Variants in ADGRG6 observed in about 807,000 individuals in gnomAD.
ADGRG6 encodes the protein adhesion G protein-coupled receptor G6.
A neutral mutation model predicts 142.4 loss-of-function variants in ADGRG6; 84 were observed. The ratio of observed to expected loss-of-function variants is 0.59; its 90% CI spans 0.49 to 0.71. The LOEUF is 0.71. Ranked by LOEUF, ADGRG6 falls within the 30% of genes least tolerant of loss-of-function variation. ADGRG6 has a pLI of 0.00. For synonymous variants in ADGRG6, 521 were observed against 520.5 expected (o/e 1.00, Z -0.01); for missense variants, 1,367 against 1,466.6 (o/e 0.93, Z 1.11).
Position 142,393,885 on chromosome 6 carries a change from T to G in ADGRG6, c.1362-11T>G. 1 of 1,517,236 alleles carries G rather than the reference T, an allele frequency of 6.6e-7. No homozygotes were observed. The highest frequency in any genetic ancestry group is 9.0e-7 in the Non-Finnish European group (1 of 1,114,136). The allele number at this position is 1,517,236 out of a possible 1,614,324, so 94.0% of individuals were successfully genotyped here. On this transcript the variant is annotated splice_polypyrimidine_tract_variant and intron_variant, in intron 8 of 24. Transcript: ENST00000367609. ...AGGTGGATTAATGAATATATGTATT[T>G]GTGTTTTTAGTTTTCACCTGAGTGC...
intron 5 of ADGRG6, 116 bp from the exon 6 acceptor site, chr6:142,383,644 C>A: frequency 1.6e-6 from 1 of 625,966 alleles, no homozygotes; most frequent in East Asian, 2.7e-5. Context: ...TTTTGTATTT[C>A]AAAGTGGTTT....
chr6:142,372,350 A>T (rs968644408), intron 4 of ADGRG6, among the ~76,000 whole-genome samples: 5 of 152,220 alleles, frequency 3.3e-5, no homozygotes, highest in African/African-American at 1.2e-4. Flanking sequence ...ATTCAAAAGT[A>T]ATTTGTATAT....
At chr6:142,315,067 G>C (rs1038036217) in intron 2 of ADGRG6, among the ~76,000 whole-genome samples, 1 of 151,722 alleles carries the variant, frequency 6.6e-6, no homozygotes. Flanking sequence ...AGTTTCTTCT[G>C]TGTACTTCCA....
intron 9 of ADGRG6, among the ~76,000 whole-genome samples, chr6:142,395,416 T>A (rs991826784): frequency 6.6e-6 from 1 of 151,304 alleles, no homozygotes; most frequent in African/African-American, 2.5e-5. Flanking sequence ...CTGGGTTTGG[T>A]AGATATAGCC....
intron 2 of ADGRG6, among the ~76,000 whole-genome samples, chr6:142,335,081 G>A (rs1351739550): frequency 1.3e-5 from 2 of 152,184 alleles, no homozygotes. Context: ...GCAGTAGTAA[G>A]AAAGCAAAAG....
Position 142,370,266 on chromosome 6 carries a change from G to A in ADGRG6, c.542G>A (p.Ser181Asn), listed in dbSNP as rs1331753793. Residue 181 changes from serine (S) to asparagine (N), a missense_variant, in exon 4 of 25, where the codon AGT becomes AAT. By Grantham distance (46) the Ser-to-Asn change is conservative (BLOSUM62 1). Coordinates refer to ENST00000367609, the MANE Select transcript of ADGRG6 (RefSeq NM_198569.3). ...AAAAGCATCTCTATTCCAGAGCTCA[G>A]TGCTTTCACACTCTGCTTTGAAGCA... Reference protein sequence around the residue: ...VAKSISIPELSAFTLCFEATK... With the variant: ...VAKSISIPELNAFTLCFEATK... 6 of 1,613,744 alleles carry A rather than the reference G, an allele frequency of 3.7e-6. No homozygotes were observed. Among genetic ancestry groups the A allele is most frequent in the Non-Finnish European group, 5.1e-6 (6 of 1,179,732 alleles).
intron 2 of ADGRG6, among the ~76,000 whole-genome samples, chr6:142,350,305 G>T (rs1310672653): frequency 6.6e-6 from 1 of 152,188 alleles, no homozygotes; most frequent in African/African-American, 2.4e-5. Context: ...TTTTCATTTT[G>T]ATTTTAATTA....
At chr6:142,407,084 T>TAGCAC (rs1168808769) in intron 15 of ADGRG6, among the ~76,000 whole-genome samples, 1 of 149,434 alleles carries the variant, frequency 6.7e-6, no homozygotes, top group Non-Finnish European at 1.5e-5. Flanking sequence ...CCTGTAATCC[T>TAGCAC]AGCACTTTGG....
chr6:142,423,309 T>G (rs1348165749), intron 22 of ADGRG6, among the ~76,000 whole-genome samples: 5 of 148,450 alleles, frequency 3.4e-5, no homozygotes, highest in Non-Finnish European at 6.0e-5. Flanking sequence ...GTCTAACGTT[T>G]AAATCTTTAA....
At chr6:142,319,039 C>T (rs1165705282) in intron 2 of ADGRG6, among the ~76,000 whole-genome samples, 1 of 152,090 alleles carries the variant, frequency 6.6e-6, no homozygotes, top group Non-Finnish European at 1.5e-5. Context: ...GGTGGTAGGG[C>T]ACTCAATGAA....
chr6:142,367,730 G>A lies in ADGRG6; in HGVS notation c.265G>A (p.Glu89Lys). Residue 89 changes from glutamate (E) to lysine (K), a missense_variant, in exon 3 of 25, where the codon GAA becomes AAA. Around this residue, in one of 3 missense-constraint regions of ADGRG6, gnomAD observed 737 missense variants for 746.5 expected, o/e 0.99. Transcript: ENST00000367609. ...GATAACATTTAACGACTTTGACATTGAAGAAGCTCCCAATTGCATTTATGA... is the reference window on the plus strand; with the variant it reads ...GATAACATTTAACGACTTTGACATTAAAGAAGCTCCCAATTGCATTTATGA... ...IQITFNDFDI[E>K]EAPNCIYDSL... 6.2e-7 allele frequency: 1 copy of A among 1,613,892 alleles called. No homozygotes were observed. Among genetic ancestry groups the A allele is most frequent in the Non-Finnish European group, 8.5e-7 (1 of 1,179,848 alleles).
chr6:142,363,003 C>G (rs1026413084), intron 2 of ADGRG6, among the ~76,000 whole-genome samples: 16 of 152,078 alleles, frequency 1.1e-4, no homozygotes, highest in African/African-American at 3.9e-4. Flanking sequence ...AAATGCAGAC[C>G]AAGCAGGCAA....
At chr6:142,413,743 G>A (rs985057762) in intron 18 of ADGRG6, among the ~76,000 whole-genome samples, 11 of 152,044 alleles carry the variant, frequency 7.2e-5, no homozygotes, top group Non-Finnish European at 1.5e-4. Flanking sequence ...GTGTTTTAAG[G>A]GATTCCTGGG....
intron 2 of ADGRG6, among the ~76,000 whole-genome samples, chr6:142,332,665 G>A (rs1300501164): frequency 1.3e-5 from 2 of 152,034 alleles, no homozygotes; most frequent in African/African-American, 2.4e-5. Flanking sequence ...TACTTACCAC[G>A]CCAAAAATGA....
intron 4 of ADGRG6, among the ~76,000 whole-genome samples, chr6:142,380,643 T>C (rs2114923942): frequency 6.6e-6 from 1 of 152,336 alleles, no homozygotes; most frequent in South Asian, 2.1e-4. Context: ...AATACCCATC[T>C]CTACTTTCTT....
intron 8 of ADGRG6, among the ~76,000 whole-genome samples, chr6:142,393,653 G>A (rs9484634): frequency 0.014 from 2,102 of 152,216 alleles, 59 homozygotes; most frequent in African/African-American, 0.048. Context: ...ACAAACTGAA[G>A]CAGATTTTTT....
chr6:142,400,406 TGCTTTC>T, intron 10 of ADGRG6, 73 bp from the exon 11 acceptor site: 1 of 693,884 alleles, frequency 1.4e-6, no homozygotes, highest in African/African-American at 1.8e-5. Context: ...ATTGTCATTT[TGCTTTC>T]ATCCTGCATC....
rs928412737 is a variant in ADGRG6 at position 142,363,086 on chromosome 6, A to G, written c.104-4483A>G. Among the ~76,000 whole-genome samples, 22 of 152,292 alleles carry G rather than the reference A, an allele frequency of 1.4e-4. 1 individual carries two copies. The highest frequency in any genetic ancestry group is 3.4e-3 in the Middle Eastern group (1 of 294). ...ACAAGCTCATTAGCTGCAATTTTATATATGTTCAAATAGAGATCAAGATTT... is the reference window on the plus strand; with the variant it reads ...ACAAGCTCATTAGCTGCAATTTTATGTATGTTCAAATAGAGATCAAGATTT... On this transcript the variant is annotated intron_variant, in intron 2 of 24. Transcript: ENST00000367609.
At chr6:142,324,718 C>T (rs1392417913) in intron 2 of ADGRG6, among the ~76,000 whole-genome samples, 1 of 152,094 alleles carries the variant, frequency 6.6e-6, no homozygotes, top group East Asian at 1.9e-4. Flanking sequence ...CTCCATCTGT[C>T]ATTTGGAATT....
Sources: allele counts gnomAD v4.1 joint callset (sites outside exome capture counted in the v4.1 genomes callset), GRCh38; gene constraint gnomAD v4.1.1; regional missense constraint gnomAD v4.1.1; transcripts MANE v1.5; gene names NCBI Gene and HGNC (gene_info 2026-07-23, HGNC 2026-07-21).